Variants in CDHR2 observed in about 807,000 individuals in gnomAD.
The protein encoded by CDHR2 is cadherin related family member 2, also known as cadherin-related family member 2.
Under a neutral mutation model 138.6 loss-of-function variants are expected in CDHR2, and 104 were observed. That is an observed-to-expected ratio of 0.75 (90% CI 0.64 to 0.88). The LOEUF (loss-of-function observed/expected upper bound fraction) is 0.88, where lower values mean the gene tolerates loss of function less well. CDHR2 is among the 40% of genes least tolerant of loss of function. The pLI is 0.00. For synonymous variants in CDHR2, 755 were observed against 742.8 expected (o/e 1.02, Z -0.27); for missense variants, 1,624 against 1,727.6 (o/e 0.94, Z 1.06).
At chr5:176,589,642 G>A in intron 24 of CDHR2, 26 bp downstream of exon 24, 6 of 1,605,636 alleles carry the variant, frequency 3.7e-6, no homozygotes, top group Non-Finnish European at 5.1e-6. Flanking sequence ...CCCGGAGGGA[G>A]GGGTAGGAAG....
intron 6 of CDHR2, among the ~76,000 whole-genome samples, chr5:176,572,573 G>C (rs1758263207): frequency 6.6e-6 from 1 of 152,164 alleles, no homozygotes; most frequent in Admixed American, 6.5e-5. Flanking sequence ...GCTCTCATGG[G>C]TTGGGTCTGC....
chr5:176,563,138 A>G (rs1339388846), intron 1 of CDHR2, among the ~76,000 whole-genome samples: 1 of 152,168 alleles, frequency 6.6e-6, no homozygotes, highest in Non-Finnish European at 1.5e-5. Flanking sequence ...ACTTGAGGTC[A>G]GGAGTTCAAG....
At chr5:176,567,585 G>A (rs558653165) in intron 3 of CDHR2, among the ~76,000 whole-genome samples, 2 of 152,234 alleles carry the variant, frequency 1.3e-5, no homozygotes, top group African/African-American at 2.4e-5. Flanking sequence ...TTCACCTCCC[G>A]GGTTCAAGCA....
chr5:176,559,979 C>CCTAT (rs756409067), intron 1 of CDHR2, among the ~76,000 whole-genome samples: 7 of 152,148 alleles, frequency 4.6e-5, no homozygotes, highest in Non-Finnish European at 8.8e-5. Flanking sequence ...GGTTGGTTTG[C>CCTAT]ATAGGAGAGG....
intron 30 of CDHR2, 128 bp from the exon 31 acceptor site, chr5:176,592,595 G>T (rs1227430804): frequency 9.4e-6 from 7 of 742,184 alleles, no homozygotes; most frequent in Admixed American, 1.9e-5. Context: ...GATGATGGTG[G>T]TGGTGGTGAT....
chr5:176,550,451 G>A (rs544728840), intron 1 of CDHR2, among the ~76,000 whole-genome samples: 1 of 152,284 alleles, frequency 6.6e-6, no homozygotes, highest in East Asian at 1.9e-4. Context: ...CGCTCTGTGG[G>A]TGCAGGCACG....
In CDHR2 at chr5:176,556,725, G is replaced by A. The variant is rs548181179; in HGVS notation, c.-16+7311G>A. ...AACAGGCTGGTCCAAGTGCAGTGGT[G>A]TTTACAACTAATTTATCACAACAGG... On this transcript the variant is annotated intron_variant, in intron 1 of 31. Transcript: ENST00000261944. 3.9e-5 allele frequency: 6 copies of A among 152,372 alleles called. No homozygotes were observed. The East Asian group carries it at 1.2e-3, about 29-fold the overall frequency. 9.4% of individuals were successfully genotyped at this position (152,372 alleles called of 1,614,324 possible). A position where few individuals can be genotyped will look rare whatever the true frequency, so the allele number is the denominator to read the frequency against.
rs771851121 is a variant in CDHR2, at chr5:176,577,538, C to T, written c.1334C>T (p.Thr445Met). ...VSALVDYERQ[T>M]AMAVQVVATD... is the part of the protein sequence containing the mutation. ...GCGCTGGTGGACTACGAGAGGCAGACGGCGATGGCGGTGCAGGTGAGGGCT... is the reference window on the plus strand; with the variant it reads ...GCGCTGGTGGACTACGAGAGGCAGATGGCGATGGCGGTGCAGGTGAGGGCT... Residue 445 changes from threonine (T) to methionine (M), a missense_variant, in exon 13 of 32, where the codon ACG becomes ATG. Transcript: ENST00000261944. 93 of 1,613,374 alleles carry T rather than the reference C, an allele frequency of 5.8e-5. No homozygotes were observed. Among genetic ancestry groups the T allele is most frequent in the Non-Finnish European group, 7.8e-5 (92 of 1,179,812 alleles).
intron 1 of CDHR2, among the ~76,000 whole-genome samples, chr5:176,562,288 T>C (rs1039625600): frequency 2.0e-5 from 3 of 151,876 alleles, no homozygotes; most frequent in Admixed American, 2.0e-4. Context: ...CTGAGGACAG[T>C]GTCCCCAGGG....
At chr5:176,581,177 C>T (rs1019502134) in intron 16 of CDHR2, among the ~76,000 whole-genome samples, 166 bp from the exon 17 acceptor site, 4 of 152,186 alleles carry the variant, frequency 2.6e-5, no homozygotes, top group African/African-American at 9.6e-5. Context: ...AACTGCTGAC[C>T]TGAGCCTCTT....
Position 176,590,345 on chromosome 5 carries a change from C to A in CDHR2, c.3353+15C>A. Reference sequence around the variant, plus strand: ...GAGCTGAGTGTGTGAGTGGGGCTGCCCTTGGGGCAGGTGTGAGGGTGAGCA... The same window carrying A: ...GAGCTGAGTGTGTGAGTGGGGCTGCACTTGGGGCAGGTGTGAGGGTGAGCA... On this transcript the variant is annotated intron_variant, in intron 26 of 31. Coordinates refer to ENST00000261944, the MANE Select transcript of CDHR2 (RefSeq NM_017675.6). 6.2e-7 allele frequency: 1 copy of A among 1,614,142 alleles called. No homozygotes were observed. The highest frequency in any genetic ancestry group is 1.1e-5 in the South Asian group (1 of 91,090).
At chr5:176,591,172 T>A (rs1311548890) in intron 28 of CDHR2, 38 bp from the exon 29 acceptor site, 23 of 1,409,986 alleles carry the variant, frequency 1.6e-5, no homozygotes, top group Non-Finnish European at 2.2e-5. Flanking sequence ...ACAACAGGTG[T>A]GCAGCAACAG....
At chr5:176,545,321 A>C (rs1326306423), upstream of CDHR2, among the ~76,000 whole-genome samples, 1 of 152,110 alleles carries the variant, frequency 6.6e-6, no homozygotes, top group African/African-American at 2.4e-5. Context: ...ATGGGGTTTC[A>C]CCATGTTCTA....
At chr5:176,578,010 C>A in intron 14 of CDHR2, 24 bp from the exon 15 acceptor site, 1 of 1,602,952 alleles carries the variant, frequency 6.2e-7, no homozygotes, top group Non-Finnish European at 8.5e-7. Flanking sequence ...CCACACAGCA[C>A]CCTGCCATGT....
chr5:176,552,744 G>A (rs1488814306), intron 1 of CDHR2, among the ~76,000 whole-genome samples: 1 of 152,232 alleles, frequency 6.6e-6, no homozygotes, highest in Admixed American at 6.5e-5. Context: ...CCCCAGCAGA[G>A]CAGGAGGCAG....
chr5:176,567,022 C>T, intron 3 of CDHR2: 1 of 456,266 alleles, frequency 2.2e-6, no homozygotes, highest in Non-Finnish European at 4.4e-6. Context: ...AAATACAAAA[C>T]CTGTGCAAGC....
At chr5:176,583,546 G>A (rs1485994826) in intron 17 of CDHR2, among the ~76,000 whole-genome samples, 1 of 151,482 alleles carries the variant, frequency 6.6e-6, no homozygotes, top group Admixed American at 6.6e-5. Context: ...AGACATAGGG[G>A]AGGGCAGAGT....
rs529801790 is a variant in CDHR2, at chr5:176,589,484, C to T, written c.3118-44C>T. ...CAGCCCCCAACGCCCTCTGCCAGCC[C>T]CCAGGGTCCCTGGTGCCTCATCTCC... On this transcript the variant is annotated intron_variant, in intron 23 of 31. Coordinates refer to ENST00000261944, the MANE Select transcript of CDHR2 (RefSeq NM_017675.6). 2.5e-6 allele frequency: 4 copies of T among 1,612,344 alleles called. No individual in the cohort carries two copies. In the East Asian group the frequency reaches 6.7e-5, roughly 27 times the overall value.
At chr5:176,558,217 T>TA (rs200918489) in intron 1 of CDHR2, among the ~76,000 whole-genome samples, 2 of 40,618 alleles carry the variant, frequency 4.9e-5, no homozygotes, top group Non-Finnish European at 3.0e-4. Flanking sequence ...TTTTCTTATT[T>TA]TTTTTTTTTT....
Sources: gnomAD v4.1 joint callset for allele counts (sites outside exome capture counted in the v4.1 genomes callset) on GRCh38, gnomAD v4.1.1 for gene constraint, MANE v1.5 for transcripts, NCBI Gene and HGNC (gene_info 2026-07-23, HGNC 2026-07-21) for gene names.